The following MAP7D1 variants were observed in gnomAD, a reference collection of about 807,000 sequenced individuals.
The protein encoded by MAP7D1 is MAP7 domain containing 1, also known as MAP7 domain-containing protein 1.
A neutral mutation model predicts 97.5 loss-of-function variants in MAP7D1; 30 were observed. The ratio of observed to expected loss-of-function variants is 0.31; its 90% CI spans 0.23 to 0.42. The LOEUF (loss-of-function observed/expected upper bound fraction) is 0.42. Ranked by LOEUF, MAP7D1 falls within the 10% of genes least tolerant of loss-of-function variation. MAP7D1 has a pLI of 1.00. For missense variants in MAP7D1, 1,184 were observed against 1,179.5 expected (o/e 1.00, Z -0.06); for synonymous variants, 536 against 477.1 (o/e 1.12, Z -1.61).
chr1:36,177,809 G>A (rs1302991712), intron 8 of MAP7D1, 64 bp from the exon 9 acceptor site: 1 of 1,517,896 alleles, frequency 6.6e-7, no homozygotes, highest in Non-Finnish European at 8.8e-7. Context: ...CCAGAGGAAG[G>A]AACAAGTTCT....
At position 36,159,091 on chromosome 1, in the gene MAP7D1, CTT is replaced by C. The variant is rs1273378592; in HGVS notation, c.46+2629_46+2630del. 1.3e-5 allele frequency among the ~76,000 whole-genome samples: 2 copies of C among 151,718 alleles called. No individual in the cohort carries two copies. The highest frequency in any genetic ancestry group is 2.9e-5 in the Non-Finnish European group (2 of 67,986). On this transcript the variant is annotated intron_variant, in intron 1 of 16. Coordinates refer to ENST00000474796, the MANE Select transcript of MAP7D1 (RefSeq NM_001388490.1). This position sits in a 1 kb window ranked among gnomAD's most constrained non-coding sequence, Gnocchi z 5.4. ...ATTTATTTTGAGACAGAGTCTTGCT[CTT>C]GTCACCCAGGCTGGAGTGCAATGCC...
rs1644629360 is a variant in MAP7D1, at chr1:36,176,667, T to C, written c.1234-30T>C. 5 of 1,605,396 alleles carry C rather than the reference T, an allele frequency of 3.1e-6. No homozygotes were observed. Among genetic ancestry groups the C allele is most frequent in the African/African-American group, 1.3e-5 (1 of 74,814 alleles). The stretch of plus-strand genomic sequence containing the variant: ...GTACGCGGGCGCTGCTGACCTCTAC[T>C]CTCCTCTTCCGTTCCTCCTTCCCTG... On this transcript the variant is annotated intron_variant, in intron 7 of 16. Coordinates refer to ENST00000474796, the MANE Select transcript of MAP7D1 (RefSeq NM_001388490.1). The surrounding 1 kb of genome is among the most constrained non-coding windows in gnomAD (Gnocchi z 6.1).
chr1:36,164,488 A>C (rs1644450506), intron 1 of MAP7D1, among the ~76,000 whole-genome samples: 1 of 152,236 alleles, frequency 6.6e-6, no homozygotes, highest in South Asian at 2.1e-4. Context: ...TGACTGAACT[A>C]ACATATGTAG....
intron 5 of MAP7D1, among the ~76,000 whole-genome samples, chr1:36,173,961 T>C (rs1644582569): frequency 6.6e-6 from 1 of 152,192 alleles, no homozygotes; most frequent in South Asian, 2.1e-4. Flanking sequence ...TAGCTGTGTA[T>C]CTTCTGTTTA....
intron 3 of MAP7D1, 99 bp from the exon 4 acceptor site, chr1:36,172,364 CA>C (rs1644556749): frequency 8.0e-7 from 1 of 1,244,174 alleles, no homozygotes; most frequent in Non-Finnish European, 1.1e-6. Context: ...AAGACCCACC[CA>C]GGGCATGGGT....
chr1:36,177,916 C>T lies in MAP7D1; in HGVS notation c.1423C>T (p.His475Tyr). 3 of 1,559,094 alleles carry T rather than the reference C, an allele frequency of 1.9e-6. No individual in the cohort carries two copies. Among genetic ancestry groups the T allele is most frequent in the Non-Finnish European group, 2.6e-6 (3 of 1,151,788 alleles). The part of the protein sequence containing the change: ...ARPSSPSTSW[H>Y]RPASPCPSPG... ...GCCATCCTCTCCCTCCACATCCTGG[C>T]ACAGGCCTGCCTCCCCCTGCCCCAG... The change falls in exon 9 of 17, where the codon CAC (histidine) becomes TAC (tyrosine). Residue 475 changes from histidine to tyrosine, a missense_variant. By Grantham distance (83) the His-to-Tyr change is moderately conservative (BLOSUM62 2). Transcript: ENST00000474796.
chr1:36,160,228 ATC>A (rs1219064995), intron 1 of MAP7D1, among the ~76,000 whole-genome samples: 1 of 152,196 alleles, frequency 6.6e-6, no homozygotes, highest in African/African-American at 2.4e-5. Context: ...GGCTGGTGGT[ATC>A]TCTGCCTGGC....
At chr1:36,177,395 G>A (rs1644642252) in intron 8 of MAP7D1, 2 of 370,418 alleles carry the variant, frequency 5.4e-6, no homozygotes, top group South Asian at 2.1e-5. Context: ...AGTGCCTCAC[G>A]CCCGTAATCC....
chr1:36,179,293 A>G lies in MAP7D1; in HGVS notation c.2162A>G (p.Lys721Arg). 9 of 1,614,070 alleles carry G rather than the reference A, an allele frequency of 5.6e-6. No homozygotes were observed. Among genetic ancestry groups the G allele is most frequent in the Non-Finnish European group, 7.6e-6 (9 of 1,179,972 alleles). Residue 721 changes from lysine (K) to arginine (R), a missense_variant, in exon 13 of 17, where the codon AAG (lysine) becomes AGG (arginine). Lys to Arg is a conservative substitution (Grantham distance 26). Transcript: ENST00000474796. ...GAGGAGATCATGAAGAGGACTCGGAAGTCAGAAGTTTCTGAAACCAAGGTC... is the reference window on the plus strand; with the variant it reads ...GAGGAGATCATGAAGAGGACTCGGAGGTCAGAAGTTTCTGAAACCAAGGTC... ...RLEEIMKRTR[K>R]SEVSETKKQD...
chr1:36,179,325 C>A lies in MAP7D1; in HGVS notation c.2184+10C>A. 2 of 1,613,844 alleles carry A rather than the reference C, an allele frequency of 1.2e-6. No individual in the cohort carries two copies. The highest frequency in any genetic ancestry group is 1.7e-6 in the Non-Finnish European group (2 of 1,179,852). ...AGTTTCTGAAACCAAGGTCAGAATT[C>A]CCCCGAAGGGCAGTGCTGGGCGTGG... On this transcript the variant is annotated intron_variant, in intron 13 of 16. Transcript: ENST00000474796.
chr1:36,161,910 T>TGAGA (rs1553183493), intron 1 of MAP7D1, among the ~76,000 whole-genome samples: 17 of 105,644 alleles, frequency 1.6e-4, no homozygotes, highest in African/African-American at 5.1e-4. Flanking sequence ...TGTGTGTGTG[T>TGAGA]GAGAGAGAGA....
chr1:36,157,252 C>T (rs1373621773), intron 1 of MAP7D1: 1 of 152,440 alleles, frequency 6.6e-6, no homozygotes, highest in East Asian at 1.9e-4. Context: ...GCCCTCCTTC[C>T]CAGCCTCTCT....
chr1:36,177,680 A>G, intron 8 of MAP7D1, 193 bp from the exon 9 acceptor site: 1 of 861,722 alleles, frequency 1.2e-6, no homozygotes. Context: ...TAATCAAAGA[A>G]TCCCACAGAA....
intron 1 of MAP7D1, among the ~76,000 whole-genome samples, chr1:36,164,384 A>T (rs1329998630): frequency 2.6e-5 from 4 of 152,212 alleles, no homozygotes; most frequent in African/African-American, 9.6e-5. Context: ...CATAACAGTG[A>T]CAGTGTTCCA....
intron 14 of MAP7D1, 26 bp downstream of exon 14, chr1:36,179,583 C>T: frequency 6.4e-7 from 1 of 1,556,824 alleles, no homozygotes; most frequent in Non-Finnish European, 8.7e-7. Context: ...CTCTCGCCTC[C>T]CTTCCCTTTG....
intron 1 of MAP7D1, among the ~76,000 whole-genome samples, chr1:36,163,206 G>C (rs982983011): frequency 4.6e-5 from 7 of 152,140 alleles, no homozygotes; most frequent in Admixed American, 2.6e-4. Context: ...GGAGCTCTTA[G>C]GAAGACAGGA....
At position 36,176,632 on chromosome 1, in the gene MAP7D1, T is replaced by C. The variant is rs766704417; in HGVS notation, c.1233+51T>C. The C allele has an allele frequency of 3.2e-6, 5 of 1,576,118 alleles. No individual in the cohort carries two copies. In the South Asian group the frequency reaches 3.4e-5, roughly 11 times the overall value. ...GCCGCGCAGGTGGGGACAGGCAGCC[T>C]GGAACTGGGGTACGCGGGCGCTGCT... On this transcript the variant is annotated intron_variant, in intron 7 of 16. Transcript: ENST00000474796. The surrounding 1 kb of genome is among the most constrained non-coding windows in gnomAD (Gnocchi z 6.1).
rs769608238 is a variant in MAP7D1, at chr1:36,176,569, G to A, written c.1221G>A (p.Pro407=). ...GGSPAPVRRR[P]EASPVQKKEK... ...GCCCCGCTCCGGTGCGCCGCCGGCC[G>A]GAGGCCTCGCCGGTGAGTGGCTCTA... is the stretch of plus-strand genomic sequence containing the variant. Residue 407 remains proline (P), a synonymous_variant, in exon 7 of 17, where the codon CCG becomes CCA. Coordinates refer to ENST00000474796, the MANE Select transcript of MAP7D1 (RefSeq NM_001388490.1). The surrounding 1 kb of genome is among the most constrained non-coding windows in gnomAD (Gnocchi z 6.1). The A allele has an allele frequency of 8.7e-6, 13 of 1,494,824 alleles. No individual in the cohort carries two copies. The highest frequency in any genetic ancestry group is 1.4e-5 in the African/African-American group (1 of 70,048). 92.6% of individuals were successfully genotyped at this position (1,494,824 alleles called of 1,614,324 possible). A position where few individuals can be genotyped will look rare whatever the true frequency, so the allele number is the denominator to read the frequency against.
At position 36,177,860 on chromosome 1, in the gene MAP7D1, CCTTTTCT is replaced by C. The variant is rs1266024823; in HGVS notation, c.1380-9_1380-3del. On this transcript the variant is annotated splice_region_variant and splice_polypyrimidine_tract_variant and intron_variant, in intron 8 of 16. Transcript: ENST00000474796. ...TGTGTCTCCTAACCCTTCCCTTTTC[CCTTTTCT>C]CTTAGCCCCAAATCCAAGGCCAGGC... is the stretch of plus-strand genomic sequence containing the variant. The C allele has an allele frequency of 2.0e-5, 30 of 1,525,010 alleles. No homozygotes were observed. The highest frequency in any genetic ancestry group is 2.5e-5 in the Non-Finnish European group (28 of 1,137,256). 94.5% of individuals were successfully genotyped at this position (1,525,010 alleles called of 1,614,324 possible).
Sources: allele counts gnomAD v4.1 joint callset (sites outside exome capture counted in the v4.1 genomes callset), GRCh38; gene constraint gnomAD v4.1.1; non-coding constraint Gnocchi (gnomAD v3.1); transcripts MANE v1.5; gene names NCBI Gene and HGNC (gene_info 2026-07-23, HGNC 2026-07-21).